Variants in SPMAP2L observed in about 807,000 individuals in gnomAD.
SPMAP2L encodes sperm microtubule associated protein 2-like.
the SPMAP2L span, among the ~76,000 whole-genome samples, chr4:56,611,112 G>A: frequency 4.6e-5 from 7 of 152,122 alleles, no homozygotes; most frequent in African/African-American, 1.7e-4. Flanking sequence ...CAGAGGAAAA[G>A]AAGTCATTAT....
the SPMAP2L span, among the ~76,000 whole-genome samples, chr4:56,620,712 C>A: frequency 6.6e-6 from 1 of 152,326 alleles, no homozygotes; most frequent in Admixed American, 6.5e-5. Context: ...AAGGTGCATG[C>A]AATTCAGCAG....
the SPMAP2L span, chr4:56,596,655 C>A: frequency 1.3e-6 from 2 of 1,490,604 alleles, no homozygotes; most frequent in South Asian, 1.3e-5. Flanking sequence ...ACCTTGGTAT[C>A]CTTCAGCTCA....
chr4:56,540,650 AAGAG>A, the SPMAP2L span, among the ~76,000 whole-genome samples: 1 of 152,054 alleles, frequency 6.6e-6, no homozygotes, highest in African/African-American at 2.4e-5. Context: ...AAAGAAAGAA[AAGAG>A]AGAAAGAAAG....
the SPMAP2L span, among the ~76,000 whole-genome samples, chr4:56,545,570 A>T: frequency 1.3e-5 from 2 of 151,938 alleles, no homozygotes; most frequent in Non-Finnish European, 2.9e-5. Context: ...CAAAAAATAA[A>T]ATTAGCGTGG....
the SPMAP2L span, among the ~76,000 whole-genome samples, chr4:56,560,342 C>A: frequency 1.3e-5 from 2 of 152,136 alleles, no homozygotes; most frequent in Non-Finnish European, 2.9e-5. Flanking sequence ...TCTTCTTCAC[C>A]TTGCCCTCTC....
At chr4:56,565,255 T>C in the SPMAP2L span, among the ~76,000 whole-genome samples, 4 of 152,258 alleles carry the variant, frequency 2.6e-5, no homozygotes, top group African/African-American at 4.8e-5. Context: ...TCAGTTATTA[T>C]GATGGCATAT....
At chr4:56,574,931 C>T in the SPMAP2L span, among the ~76,000 whole-genome samples, 1,101 of 147,900 alleles carry the variant, frequency 7.4e-3, 17 homozygotes, top group African/African-American at 0.026. Context: ...GCAGTGAGCC[C>T]GTGTATGATC....
the SPMAP2L span, among the ~76,000 whole-genome samples, chr4:56,545,010 C>A: frequency 1.3e-5 from 2 of 152,244 alleles, no homozygotes; most frequent in African/African-American, 4.8e-5. Context: ...TCCACACAGA[C>A]CCGCCCGGCG....
the SPMAP2L span, among the ~76,000 whole-genome samples, chr4:56,615,131 G>C: frequency 3.3e-5 from 5 of 152,200 alleles, no homozygotes; most frequent in African/African-American, 9.7e-5. Context: ...CTCCCAATCT[G>C]GTGGGTCAGG....
At chr4:56,546,356 G>C in the SPMAP2L span, among the ~76,000 whole-genome samples, 1 of 152,166 alleles carries the variant, frequency 6.6e-6, no homozygotes, top group Non-Finnish European at 1.5e-5. Context: ...AGAGCCAGTG[G>C]TCTCAGCCAT....
At chr4:56,608,586 C>T in the SPMAP2L span, among the ~76,000 whole-genome samples, 1 of 152,322 alleles carries the variant, frequency 6.6e-6, no homozygotes, top group South Asian at 2.1e-4. Context: ...CTAGTATTGC[C>T]TCACATTTCT....
At chr4:56,609,050 C>CTTTTTT in the SPMAP2L span, among the ~76,000 whole-genome samples, 1 of 115,618 alleles carries the variant, frequency 8.6e-6, no homozygotes, top group African/African-American at 3.1e-5. Flanking sequence ...TTCTTTCTTT[C>CTTTTTT]TTTTTTTTTT....
At chr4:56,537,915 G>T in the SPMAP2L span, among the ~76,000 whole-genome samples, 2 of 152,006 alleles carry the variant, frequency 1.3e-5, no homozygotes, top group East Asian at 1.9e-4. Context: ...GGATGGTCTT[G>T]ATCTCCTGAC....
chr4:56,594,040 G>A, the SPMAP2L span: 1 of 1,611,484 alleles, frequency 6.2e-7, no homozygotes, highest in South Asian at 1.1e-5. Context: ...TCAATTTTCG[G>A]CTTTTTGAGG....
chr4:56,620,193 A>G, the SPMAP2L span, among the ~76,000 whole-genome samples: 10 of 152,244 alleles, frequency 6.6e-5, no homozygotes, highest in East Asian at 1.9e-3. Flanking sequence ...GTCAGGACCC[A>G]AGAATCAGAC....
chr4:56,586,212 T>C, the SPMAP2L span, among the ~76,000 whole-genome samples: 1 of 152,152 alleles, frequency 6.6e-6, no homozygotes, highest in South Asian at 2.1e-4. Flanking sequence ...ATCGTCTGGG[T>C]AAATTAAACA....
chr4:56,533,792 A>T, the SPMAP2L span, among the ~76,000 whole-genome samples: 1 of 151,612 alleles, frequency 6.6e-6, no homozygotes, highest in Non-Finnish European at 1.5e-5. Context: ...ACAAAAAAAA[A>T]AAAAAAATTA....
At chr4:56,589,739 T>TG in the SPMAP2L span, among the ~76,000 whole-genome samples, 439 of 140,638 alleles carry the variant, frequency 3.1e-3, 4 homozygotes, top group African/African-American at 0.013. Flanking sequence ...TTTTTGTGTG[T>TG]GGGGGGGTTT....
chr4:56,549,639 C>A, the SPMAP2L span, among the ~76,000 whole-genome samples: 1 of 152,208 alleles, frequency 6.6e-6, no homozygotes, highest in Non-Finnish European at 1.5e-5. Context: ...CATCCCTAAT[C>A]TGAAAATCTA....
Sources: gnomAD v4.1 joint callset for allele counts (sites outside exome capture counted in the v4.1 genomes callset) on GRCh38, gnomAD v4.1.1 for gene constraint, MANE v1.5 for transcripts, NCBI Gene and HGNC (gene_info 2026-07-23, HGNC 2026-07-21) for gene names.